SMURF2: variants seen among roughly 807,000 people sequenced by gnomAD.
SMURF2 encodes the protein E3 ubiquitin-protein ligase SMURF2.
SMURF2 carries 48 observed loss-of-function variants against 109.6 expected under a neutral mutation model. The observed-to-expected ratio is 0.44, with a 90% CI of 0.35 to 0.56. The LOEUF (loss-of-function observed/expected upper bound fraction) is 0.56. Ranked by LOEUF, SMURF2 falls within the 20% of genes least tolerant of loss-of-function variation. SMURF2 has a pLI of 0.01. For missense variants in SMURF2, 575 were observed against 909.0 expected (o/e 0.63, Z 4.72); for synonymous variants, 288 against 317.1 (o/e 0.91, Z 0.97).
chr17:64,661,529 GAGGC>G, intron 1 of SMURF2, among the ~76,000 whole-genome samples: 2 of 152,122 alleles, frequency 1.3e-5, no homozygotes, highest in Non-Finnish European at 1.5e-5. Context: ...CGAGCCCCGG[GAGGC>G]AGCGTCTGGC....
intron 11 of SMURF2, 143 bp downstream of exon 11, chr17:64,562,628 T>C (rs1969238367): frequency 1.7e-5 from 12 of 710,502 alleles, no homozygotes; most frequent in Admixed American, 2.9e-5. Flanking sequence ...TCCGCCCACC[T>C]CAGCCTCCCA....
At chr17:64,584,361 C>CTTTTTTTTTTTTT (rs372682588) in intron 6 of SMURF2, among the ~76,000 whole-genome samples, 2 of 112,750 alleles carry the variant, frequency 1.8e-5, no homozygotes, top group African/African-American at 7.5e-5. Flanking sequence ...CTTTTTTTTT[C>CTTTTTTTTTTTTT]TTTTTTTTTT....
At chr17:64,589,156 A>T (rs1969713561) in intron 5 of SMURF2, among the ~76,000 whole-genome samples, 1 of 152,198 alleles carries the variant, frequency 6.6e-6, no homozygotes, top group Non-Finnish European at 1.5e-5. Flanking sequence ...AAATAAATAC[A>T]TATATACAGG....
chr17:64,572,001 T>C, intron 9 of SMURF2, 45 bp from the exon 10 acceptor site: 1 of 1,538,658 alleles, frequency 6.5e-7, no homozygotes. Flanking sequence ...TTGCTCGCCC[T>C]GCTGAACCAA....
At chr17:64,566,632 C>T (rs1430059874) in intron 10 of SMURF2, among the ~76,000 whole-genome samples, 1 of 117,990 alleles carries the variant, frequency 8.5e-6, no homozygotes, top group African/African-American at 3.3e-5. Context: ...AGTGCAGTGG[C>T]GCAATCTCCG....
chr17:64,580,009 C>A (rs534913713), intron 8 of SMURF2, among the ~76,000 whole-genome samples: 3 of 152,246 alleles, frequency 2.0e-5, no homozygotes, highest in Admixed American at 2.0e-4. Context: ...AAAATATATT[C>A]TTGAGTAAAA....
At chr17:64,571,355 C>A (rs1555685533) in intron 10 of SMURF2, among the ~76,000 whole-genome samples, 2 of 152,100 alleles carry the variant, frequency 1.3e-5, no homozygotes, top group Non-Finnish European at 2.9e-5. Context: ...TTGTCACACT[C>A]TTACATAAAT....
At chr17:64,584,735 T>C (rs1439192985) in intron 6 of SMURF2, among the ~76,000 whole-genome samples, 2 of 152,122 alleles carry the variant, frequency 1.3e-5, no homozygotes, top group Non-Finnish European at 2.9e-5. Flanking sequence ...AATGTGATAA[T>C]GTTAATATTT....
chr17:64,658,440 C>T (rs1329612250), intron 1 of SMURF2, among the ~76,000 whole-genome samples: 6 of 152,108 alleles, frequency 3.9e-5, no homozygotes, highest in East Asian at 1.9e-4. Flanking sequence ...AGCCTTGAAT[C>T]GATAAAATAT....
chr17:64,615,081 G>A (rs565447289), intron 1 of SMURF2, among the ~76,000 whole-genome samples: 65 of 152,198 alleles, frequency 4.3e-4, no homozygotes, highest in Middle Eastern at 3.4e-3. Flanking sequence ...AGAGTAAATC[G>A]CAGCTGTAGA....
At chr17:64,548,551 C>A (rs903412465) in intron 16 of SMURF2, among the ~76,000 whole-genome samples, 4 of 152,120 alleles carry the variant, frequency 2.6e-5, no homozygotes, top group Non-Finnish European at 5.9e-5. Context: ...CAATGCCCAG[C>A]TAATTTTTGT....
At chr17:64,628,971 CT>C (rs1443236353) in intron 1 of SMURF2, among the ~76,000 whole-genome samples, 1 of 152,272 alleles carries the variant, frequency 6.6e-6, no homozygotes, top group East Asian at 1.9e-4. Flanking sequence ...CCATTAAGGA[CT>C]TACCCCCACC....
At chr17:64,566,421 C>T (rs528648770) in intron 10 of SMURF2, among the ~76,000 whole-genome samples, 1 of 151,552 alleles carries the variant, frequency 6.6e-6, no homozygotes, top group East Asian at 1.9e-4. Flanking sequence ...TAATGTAACA[C>T]GAATATAAAC....
intron 12 of SMURF2, among the ~76,000 whole-genome samples, chr17:64,560,291 G>A (rs1402258674): frequency 1.3e-5 from 2 of 152,092 alleles, no homozygotes; most frequent in African/African-American, 4.8e-5. Context: ...GATGCCACCA[G>A]TAGTTGATGA....
In SMURF2 at chr17:64,580,987, C is replaced by T; in HGVS notation, c.574G>A (p.Ala192Thr). The T allele has an allele frequency of 6.2e-7, 1 of 1,613,904 alleles. No homozygotes were observed. The highest frequency in any genetic ancestry group is 8.5e-7 in the Non-Finnish European group (1 of 1,179,896). Residue 192 changes from alanine to threonine, a missense_variant, in exon 8 of 19, where the codon GCA becomes ACA. Around this residue, in one of 5 missense-constraint regions of SMURF2, gnomAD observed 151 missense variants for 178.4 expected, o/e 0.85. Coordinates refer to ENST00000262435, the MANE Select transcript of SMURF2 (RefSeq NM_022739.4). ...CTGCCAGGGCTAGAATATTCGGATG[C>T]CGGTCTATTGAAAATTAACAAGGAA... The part of the protein sequence containing the change: ...TTQWERPTRP[A>T]SEYSSPGRPL...
At chr17:64,565,055 T>G (rs1373978095) in intron 10 of SMURF2, among the ~76,000 whole-genome samples, 5 of 152,198 alleles carry the variant, frequency 3.3e-5, no homozygotes, top group Admixed American at 2.0e-4. Flanking sequence ...GTTTATTGTA[T>G]GTCAATATAT....
rs1460321586 is a variant in SMURF2 at position 64,561,613 on chromosome 17, A to G, written c.1213-10T>C. ...CCTGTCGATATGATTCCTGAAAAAA[A>G]TAATTTTTAATACCCTATTACTATT... On this transcript the variant is annotated splice_polypyrimidine_tract_variant and intron_variant, in intron 11 of 18. Transcript: ENST00000262435. The G allele has an allele frequency of 7.7e-6, 12 of 1,566,332 alleles. No individual in the cohort carries two copies. Among genetic ancestry groups the G allele is most frequent in the African/African-American group, 4.1e-5 (3 of 73,904 alleles).
intron 1 of SMURF2, among the ~76,000 whole-genome samples, chr17:64,612,105 G>A (rs1289767333): frequency 6.8e-6 from 1 of 146,010 alleles, no homozygotes; most frequent in Non-Finnish European, 1.5e-5. Context: ...TTTCACAGAA[G>A]CTCATACTTT....
chr17:64,610,851 T>A (rs1254682712), intron 1 of SMURF2, among the ~76,000 whole-genome samples: 1 of 152,172 alleles, frequency 6.6e-6, no homozygotes, highest in African/African-American at 2.4e-5. Flanking sequence ...GCTTCCTCCC[T>A]CACCATTGCC....
Sources: gnomAD v4.1 joint callset for allele counts (sites outside exome capture counted in the v4.1 genomes callset) on GRCh38, gnomAD v4.1.1 for gene constraint, gnomAD v4.1.1 regional missense constraint, MANE v1.5 for transcripts, NCBI Gene and HGNC (gene_info 2026-07-23, HGNC 2026-07-21) for gene names.